Variants in KIT observed in about 807,000 individuals in gnomAD.
KIT encodes the protein mast/stem cell growth factor receptor Kit.
A neutral mutation model predicts 105.7 loss-of-function variants in KIT; 16 were observed. The ratio of observed to expected loss-of-function variants is 0.15; its 90% confidence interval spans 0.10 to 0.23. The LOEUF (loss-of-function observed/expected upper bound fraction) is 0.23. Ranked by LOEUF, KIT falls within the 10% of genes least tolerant of loss-of-function variation. KIT has a pLI of 1.00. For synonymous variants in KIT, 438 were observed against 441.1 expected, an observed-to-expected ratio of 0.99 and a Z score of 0.09; for missense variants, 858 against 1,213.8, an observed-to-expected ratio of 0.71 and a Z score of 4.36.
intron 8 of KIT, among the ~76,000 whole-genome samples, chr4:54,724,876 A>C (rs1318835915): frequency 6.6e-6 from 1 of 152,188 alleles, no homozygotes; most frequent in East Asian, 1.9e-4. Context: ...AGCTTGTTCT[A>C]GTGGGTAGAA....
chr4:54,705,815 G>A (rs186582925), intron 5 of KIT, among the ~76,000 whole-genome samples: 1 of 152,270 alleles, frequency 6.6e-6, no homozygotes, highest in East Asian at 1.9e-4. Context: ...CCAGGAAGTC[G>A]AGGCTTTAGT....
intron 1 of KIT, among the ~76,000 whole-genome samples, chr4:54,680,552 C>T (rs2703462): frequency 0.012 from 1,747 of 151,854 alleles, 39 homozygotes; most frequent in African/African-American, 0.04. Flanking sequence ...CCACCACGCC[C>T]GGCTAATTTT....
intron 1 of KIT, among the ~76,000 whole-genome samples, chr4:54,666,594 G>T (rs1341266845): frequency 6.6e-6 from 1 of 151,906 alleles, no homozygotes; most frequent in Non-Finnish European, 1.5e-5. Flanking sequence ...TTTTTTAAGG[G>T]AAAATTCTTT....
At chr4:54,670,269 A>G (rs940463217) in intron 1 of KIT, among the ~76,000 whole-genome samples, 1 of 152,172 alleles carries the variant, frequency 6.6e-6, no homozygotes, top group African/African-American at 2.4e-5. Context: ...CAAGGACTGG[A>G]GATTCTGCCC....
chr4:54,725,334 A>T (rs1217104789), intron 8 of KIT, among the ~76,000 whole-genome samples: 1 of 152,022 alleles, frequency 6.6e-6, no homozygotes, highest in African/African-American at 2.4e-5. Flanking sequence ...TGAACTCCTG[A>T]CCTCAGGTGA....
At chr4:54,672,821 C>T (rs574761852) in intron 1 of KIT, among the ~76,000 whole-genome samples, 3 of 152,216 alleles carry the variant, frequency 2.0e-5, no homozygotes, top group South Asian at 2.1e-4. Flanking sequence ...TTTTCTGAAA[C>T]GCACCCTCTA....
chr4:54,703,326 G>T (rs1339799277), intron 4 of KIT, among the ~76,000 whole-genome samples: 1 of 152,142 alleles, frequency 6.6e-6, no homozygotes, highest in African/African-American at 2.4e-5. Flanking sequence ...TTAGCAATGT[G>T]TTCGCTCTCA....
chr4:54,732,953 A>G (rs1722701908), intron 16 of KIT, 117 bp from the exon 17 acceptor site: 1 of 852,036 alleles, frequency 1.2e-6, no homozygotes, highest in Non-Finnish European at 1.8e-6. Flanking sequence ...ATACTTTAAA[A>G]CAAAAGTATT....
intron 1 of KIT, among the ~76,000 whole-genome samples, chr4:54,685,677 C>G (rs1236317418): frequency 6.6e-6 from 1 of 152,198 alleles, no homozygotes; most frequent in Non-Finnish European, 1.5e-5. Flanking sequence ...TGCCCTCTGT[C>G]CCTCTCTAGC....
At position 54,709,484 on chromosome 4, in the gene KIT, C is replaced by G. The variant is rs1212358569; in HGVS notation, c.1176C>G (p.Phe392Leu). 6.2e-7 allele frequency: 1 copy of G among 1,613,852 alleles called. No individual in the cohort carries two copies. Among genetic ancestry groups the G allele is most frequent in the Non-Finnish European group, 8.5e-7 (1 of 1,179,742 alleles). ...GCACCGAAGGAGGCACTTACACATT[C>G]CTAGTGTCCAATTCTGACGTCAATG... Reference protein sequence around the residue: ...LKGTEGGTYTFLVSNSDVNAA... With the variant: ...LKGTEGGTYTLLVSNSDVNAA... The change falls in exon 7 of 21, where the codon TTC becomes TTG. Residue 392 changes from phenylalanine (F) to leucine (L), a missense_variant. By Grantham distance (22) the Phe-to-Leu change is conservative (BLOSUM62 0). Transcript: ENST00000288135.
intron 1 of KIT, among the ~76,000 whole-genome samples, chr4:54,671,131 G>C (rs1355691955): frequency 6.6e-6 from 1 of 152,150 alleles, no homozygotes; most frequent in African/African-American, 2.4e-5. Context: ...CCGGCTTTTT[G>C]CGTTTTCACT....
chr4:54,738,374 G>T (rs1371028614), intron 20 of KIT, 55 bp from the exon 21 acceptor site: 2 of 1,601,694 alleles, frequency 1.2e-6, no homozygotes, highest in East Asian at 4.5e-5. Context: ...TATGCCTTTT[G>T]TTGCTATGTT....
chr4:54,698,339 C>T lies in KIT; in HGVS notation c.393C>T (p.Asp131=), dbSNP rs1208138500. The T allele has an allele frequency of 2.5e-6, 4 of 1,613,950 alleles. No individual in the cohort carries two copies. Among genetic ancestry groups the T allele is most frequent in the Non-Finnish European group, 3.4e-6 (4 of 1,179,954 alleles). The change falls in exon 3 of 21, where the codon GAC becomes GAT. Residue 131 remains aspartate, a synonymous_variant. Transcript: ENST00000288135. ...CCTTGTATGGGAAAGAAGACAACGA[C>T]ACGCTGGTCCGCTGTCCTCTCACAG... ...DRSLYGKEDN[D]TLVRCPLTDP...
chr4:54,725,195 C>G (rs1722140381), intron 8 of KIT, among the ~76,000 whole-genome samples: 1 of 152,116 alleles, frequency 6.6e-6, no homozygotes, highest in Admixed American at 6.6e-5. Context: ...ACCTCTGCCT[C>G]CAGGGTTCAA....
intron 1 of KIT, among the ~76,000 whole-genome samples, chr4:54,674,469 A>G (rs1189795966): frequency 6.6e-6 from 1 of 152,078 alleles, no homozygotes; most frequent in Non-Finnish European, 1.5e-5. Context: ...GATGTTGTCC[A>G]TGGTTTTTGA....
At chr4:54,698,218 T>C (rs1413605418) in intron 2 of KIT, 66 bp from the exon 3 acceptor site, 5 of 1,501,750 alleles carry the variant, frequency 3.3e-6, no homozygotes, top group African/African-American at 1.4e-5. Context: ...ATTAGATCTT[T>C]TAAAAAGTGT....
At chr4:54,698,599 G>A (rs751184476) in intron 3 of KIT, 34 bp downstream of exon 3, 1 of 1,610,932 alleles carries the variant, frequency 6.2e-7, no homozygotes, top group South Asian at 1.1e-5. Context: ...TCTGGGAGTT[G>A]AGAACTCACT....
chr4:54,695,392 G>A, intron 1 of KIT, 120 bp from the exon 2 acceptor site: 1 of 1,001,374 alleles, frequency 1.0e-6, no homozygotes, highest in Non-Finnish European at 1.6e-6. Flanking sequence ...TAAATAGCAG[G>A]GCAGCTTTGT....
intron 1 of KIT, among the ~76,000 whole-genome samples, chr4:54,662,814 C>T (rs1407187436): frequency 6.6e-6 from 1 of 152,112 alleles, no homozygotes; most frequent in East Asian, 1.9e-4. Flanking sequence ...CTCAGGTGAT[C>T]TACCTGCCTC....
Sources: allele counts gnomAD v4.1 joint callset (sites outside exome capture counted in the v4.1 genomes callset), GRCh38; gene constraint gnomAD v4.1.1; transcripts MANE v1.5; gene names NCBI Gene and HGNC (gene_info 2026-07-23, HGNC 2026-07-21).